The following PRR16 variants were observed in gnomAD, a reference collection of about 807,000 sequenced individuals.
PRR16 encodes protein Largen.
Under a neutral mutation model 18.2 loss-of-function variants are expected in PRR16, and 6 were observed. The observed-to-expected ratio is 0.33, with a 90% CI of 0.18 to 0.65. The LOEUF is 0.65. PRR16 is among the 30% of genes least tolerant of loss of function. The pLI is 0.74. For missense variants in PRR16, 412 were observed against 376.6 expected (o/e 1.09, Z -0.78); for synonymous variants, 151 against 147.8 (o/e 1.02, Z -0.16).
intron 1 of PRR16, among the ~76,000 whole-genome samples, chr5:120,486,539 G>T (rs187947803): frequency 0.011 from 1,675 of 152,182 alleles, 15 homozygotes; most frequent in East Asian, 0.033. Context: ...GTAGATGCTG[G>T]ATATTAGCCC....
chr5:120,658,184 T>G (rs1756049918), intron 1 of PRR16: 2 of 151,942 alleles, frequency 1.3e-5, no homozygotes, highest in South Asian at 4.1e-4. Flanking sequence ...CAACAATATG[T>G]GATTTCACAA....
intron 1 of PRR16, among the ~76,000 whole-genome samples, chr5:120,497,129 T>C (rs1482188806): frequency 6.6e-6 from 1 of 152,076 alleles, no homozygotes; most frequent in Non-Finnish European, 1.5e-5. Flanking sequence ...CAGAATATGG[T>C]CTATTTTTGT....
At chr5:120,642,552 A>T (rs146436976) in intron 1 of PRR16, among the ~76,000 whole-genome samples, 40 of 151,894 alleles carry the variant, frequency 2.6e-4, no homozygotes, top group African/African-American at 9.2e-4. Flanking sequence ...TGGTATGTAA[A>T]CTCTTACTTA....
chr5:120,623,188 G>A (rs1162155169), intron 1 of PRR16, among the ~76,000 whole-genome samples: 1 of 152,004 alleles, frequency 6.6e-6, no homozygotes, highest in Non-Finnish European at 1.5e-5. Context: ...ATTCCTCAGT[G>A]AGGAAAGAAA....
intron 1 of PRR16, among the ~76,000 whole-genome samples, chr5:120,595,741 G>T (rs1267991416): frequency 6.6e-6 from 1 of 151,874 alleles, no homozygotes; most frequent in Non-Finnish European, 1.5e-5. Flanking sequence ...AATAGAATTT[G>T]TGATGTTCTT....
chr5:120,637,471 C>T (rs1443309490), intron 1 of PRR16, among the ~76,000 whole-genome samples: 2 of 151,798 alleles, frequency 1.3e-5, no homozygotes, highest in African/African-American at 2.4e-5. Flanking sequence ...ACTACTCAGC[C>T]ATAAAAAGGA....
intron 1 of PRR16, among the ~76,000 whole-genome samples, chr5:120,604,456 G>A (rs938060277): frequency 1.3e-5 from 2 of 152,014 alleles, no homozygotes; most frequent in South Asian, 2.1e-4. Flanking sequence ...CAGATGATAT[G>A]GGTCTATTGA....
intron 1 of PRR16, among the ~76,000 whole-genome samples, chr5:120,584,571 C>A (rs1417334659): frequency 6.6e-6 from 1 of 151,816 alleles, no homozygotes; most frequent in African/African-American, 2.4e-5. Context: ...TATTCTGTTC[C>A]CCAGGCATTT....
chr5:120,669,104 T>G (rs1756500498), intron 1 of PRR16, among the ~76,000 whole-genome samples: 1 of 152,200 alleles, frequency 6.6e-6, no homozygotes, highest in Non-Finnish European at 1.5e-5. Flanking sequence ...GTAATGACAC[T>G]GAGTCTTTTA....
intron 1 of PRR16, among the ~76,000 whole-genome samples, chr5:120,599,373 G>C (rs776776946): frequency 2.6e-5 from 4 of 151,666 alleles, no homozygotes; most frequent in Non-Finnish European, 5.9e-5. Flanking sequence ...TTTAAATTTT[G>C]AATATAGTTA....
chr5:120,654,248 G>A (rs1755890523), intron 1 of PRR16, among the ~76,000 whole-genome samples: 1 of 151,866 alleles, frequency 6.6e-6, no homozygotes, highest in East Asian at 1.9e-4. Flanking sequence ...AATATGCACT[G>A]GACTACCTAC....
chr5:120,530,884 A>T (rs1467644397), intron 1 of PRR16, among the ~76,000 whole-genome samples: 5 of 152,216 alleles, frequency 3.3e-5, no homozygotes, highest in Non-Finnish European at 7.3e-5. Context: ...TAGTAGAAGG[A>T]TTTAGCATGA....
At chr5:120,670,002 A>T (rs1044440797) in intron 1 of PRR16, among the ~76,000 whole-genome samples, 1 of 152,120 alleles carries the variant, frequency 6.6e-6, no homozygotes, top group Non-Finnish European at 1.5e-5. Context: ...GCATAAAATA[A>T]ACAATACTTT....
intron 1 of PRR16, among the ~76,000 whole-genome samples, chr5:120,679,704 A>G (rs1307394114): frequency 2.6e-5 from 4 of 152,152 alleles, no homozygotes; most frequent in Non-Finnish European, 4.4e-5. Flanking sequence ...TTTGCCACAC[A>G]CGGATGGACT....
At chr5:120,567,716 T>C (rs1752780924) in intron 1 of PRR16, among the ~76,000 whole-genome samples, 4 of 152,292 alleles carry the variant, frequency 2.6e-5, no homozygotes, top group African/African-American at 2.4e-5. Context: ...CCTGCTACCA[T>C]GCGAAGATGT....
intron 1 of PRR16, among the ~76,000 whole-genome samples, chr5:120,685,476 C>G (rs528770152): frequency 6.6e-6 from 1 of 152,132 alleles, no homozygotes; most frequent in African/African-American, 2.4e-5. Context: ...TTGAAACTCT[C>G]AACAGTTGAG....
At chr5:120,508,405 C>G (rs1368980525) in intron 1 of PRR16, among the ~76,000 whole-genome samples, 2 of 152,098 alleles carry the variant, frequency 1.3e-5, no homozygotes, top group Non-Finnish European at 2.9e-5. Context: ...CAATTTTTAA[C>G]TGTTACAATA....
At chr5:120,647,424 T>A (rs1755637836) in intron 1 of PRR16, among the ~76,000 whole-genome samples, 2 of 152,040 alleles carry the variant, frequency 1.3e-5, no homozygotes, top group African/African-American at 4.8e-5. Flanking sequence ...AAATAGTCTG[T>A]ATGTAACTGG....
chr5:120,506,787 G>T (rs1170006677), intron 1 of PRR16, among the ~76,000 whole-genome samples: 5 of 151,140 alleles, frequency 3.3e-5, no homozygotes, highest in Non-Finnish European at 4.4e-5. Flanking sequence ...TCAGTTTCCA[G>T]GCCAAAAAAA....
Sources: gnomAD v4.1 joint callset for allele counts (sites outside exome capture counted in the v4.1 genomes callset) on GRCh38, gnomAD v4.1.1 for gene constraint, MANE v1.5 for transcripts, NCBI Gene and HGNC (gene_info 2026-07-23, HGNC 2026-07-21) for gene names.